Variants in CA10 observed in about 807,000 individuals in gnomAD.
The protein encoded by CA10 is carbonic anhydrase 10 (inactive).
A neutral mutation model predicts 44.2 loss-of-function variants in CA10; 14 were observed. The ratio of observed to expected loss-of-function variants is 0.32; its 90% confidence interval spans 0.21 to 0.50. The LOEUF (loss-of-function observed/expected upper bound fraction) is 0.50, where lower values mean the gene tolerates loss of function less well. CA10 is among the 20% of genes least tolerant of loss of function. CA10 has a pLI of 0.99. For missense variants in CA10, 350 were observed against 409.7 expected (o/e 0.85, Z 1.26); for synonymous variants, 159 against 141.6 (o/e 1.12, Z -0.87).
At chr17:51,694,320 G>A (rs1915327397) in intron 4 of CA10, among the ~76,000 whole-genome samples, 1 of 151,964 alleles carries the variant, frequency 6.6e-6, no homozygotes, top group Admixed American at 6.6e-5. Context: ...AGTATCTGTT[G>A]TTTTTTGACT....
intron 4 of CA10, among the ~76,000 whole-genome samples, chr17:51,744,519 A>C (rs1785498765): frequency 6.6e-6 from 1 of 152,086 alleles, no homozygotes; most frequent in South Asian, 2.1e-4. Context: ...CCAAGACAAA[A>C]GAATTGATTG....
At chr17:52,070,402 A>G (rs1012348542) in intron 2 of CA10, 1 of 152,182 alleles carries the variant, frequency 6.6e-6, no homozygotes, top group Non-Finnish European at 1.5e-5. Context: ...GAACATACAC[A>G]CATTACCTCC....
intron 2 of CA10, among the ~76,000 whole-genome samples, chr17:52,056,070 G>C (rs891136142): frequency 1.3e-5 from 2 of 152,010 alleles, no homozygotes; most frequent in Non-Finnish European, 2.9e-5. Context: ...TGTGAGAAGA[G>C]GAGATGGCAG....
At position 51,855,912 on chromosome 17, in the gene CA10, C is replaced by T. The variant is rs150634101; in HGVS notation, c.279+75078G>A. On this transcript the variant is annotated intron_variant, in intron 3 of 8. Transcript: ENST00000451037. ...CTGAAGACTTTTGTCATGGTCTTTGCTTTCCTCCCTAATTGCCAACAGGAT... is the reference window on the plus strand; with the variant it reads ...CTGAAGACTTTTGTCATGGTCTTTGTTTTCCTCCCTAATTGCCAACAGGAT... Among the ~76,000 whole-genome samples, 523 of 152,092 alleles carry T rather than the reference C, an allele frequency of 3.4e-3. 2 individuals carry two copies. The highest frequency in any genetic ancestry group is 0.015 in the South Asian group (74 of 4,810).
At chr17:52,157,649 A>C in intron 1 of CA10, 77 bp downstream of exon 1, 4 of 1,318,594 alleles carry the variant, frequency 3.0e-6, no homozygotes, top group Non-Finnish European at 3.3e-6. Flanking sequence ...CCCCGCGGCT[A>C]TATACAATAA....
At chr17:51,787,482 AT>A (rs1441677182) in intron 3 of CA10, among the ~76,000 whole-genome samples, 2 of 146,652 alleles carry the variant, frequency 1.4e-5, no homozygotes, top group Non-Finnish European at 3.0e-5. Context: ...GGTTTTTTCT[AT>A]TTTTCTTTTT....
At chr17:52,069,960 A>G (rs1352849238) in intron 2 of CA10, among the ~76,000 whole-genome samples, 2 of 152,228 alleles carry the variant, frequency 1.3e-5, no homozygotes, top group Non-Finnish European at 1.5e-5. Context: ...AACACTCTTA[A>G]CTTTATAGTC....
chr17:51,843,822 T>G (rs1978380381), intron 3 of CA10, among the ~76,000 whole-genome samples: 2 of 152,178 alleles, frequency 1.3e-5, no homozygotes, highest in Admixed American at 6.5e-5. Context: ...CTGGTTTTCA[T>G]GATTAGAGTC....
chr17:51,835,769 G>A (rs770866821), intron 3 of CA10, among the ~76,000 whole-genome samples: 7 of 152,166 alleles, frequency 4.6e-5, no homozygotes, highest in Non-Finnish European at 8.8e-5. Context: ...ACCTGCCTTT[G>A]ATTTAAGTGG....
chr17:51,957,801 A>C (rs1313998546), intron 2 of CA10, among the ~76,000 whole-genome samples: 1 of 152,098 alleles, frequency 6.6e-6, no homozygotes, highest in Non-Finnish European at 1.5e-5. Context: ...CTTTGCAGAT[A>C]CTCCTGCTTT....
intron 4 of CA10, among the ~76,000 whole-genome samples, chr17:51,705,514 G>A (rs938770073): frequency 4.6e-5 from 7 of 152,036 alleles, no homozygotes; most frequent in African/African-American, 1.7e-4. Context: ...GCAAGCATTC[G>A]TCTGAACAAA....
intron 3 of CA10, among the ~76,000 whole-genome samples, chr17:51,750,677 G>A (rs1904862181): frequency 6.6e-6 from 1 of 152,226 alleles, no homozygotes; most frequent in South Asian, 2.1e-4. Flanking sequence ...ACAGAGCAGG[G>A]CTGGATCTCT....
intron 4 of CA10, among the ~76,000 whole-genome samples, chr17:51,657,454 C>T (rs1345820956): frequency 1.3e-5 from 2 of 152,184 alleles, no homozygotes; most frequent in African/African-American, 4.8e-5. Flanking sequence ...ACTAACCACT[C>T]ACAATATGCA....
chr17:51,773,947 A>G (rs1464946259), intron 3 of CA10, among the ~76,000 whole-genome samples: 1 of 152,176 alleles, frequency 6.6e-6, no homozygotes, highest in Non-Finnish European at 1.5e-5. Context: ...CTAGCCAGAA[A>G]CACACACCTG....
intron 4 of CA10, among the ~76,000 whole-genome samples, chr17:51,667,954 G>A (rs1239886261): frequency 1.3e-5 from 2 of 152,136 alleles, no homozygotes; most frequent in Non-Finnish European, 2.9e-5. Context: ...AGAGCACTGT[G>A]GCTTTACTTG....
At chr17:51,934,730 A>G (rs72834231) in intron 2 of CA10, among the ~76,000 whole-genome samples, 16,777 of 152,078 alleles carry the variant, frequency 0.11, 1,266 homozygotes, top group Non-Finnish European at 0.16. Flanking sequence ...TGCTCCAGGG[A>G]TAGTTCCTGG....
chr17:51,820,413 C>CGG (rs1467950458), intron 3 of CA10, among the ~76,000 whole-genome samples: 3 of 96,458 alleles, frequency 3.1e-5, no homozygotes, highest in African/African-American at 1.4e-4. Context: ...CTACCCCCCC[C>CGG]CCCCCGCCCG....
At chr17:52,088,014 G>A (rs1988164181) in intron 1 of CA10, among the ~76,000 whole-genome samples, 1 of 152,110 alleles carries the variant, frequency 6.6e-6, no homozygotes, top group South Asian at 2.1e-4. Context: ...TCACAAGTGG[G>A]AGCTAAATGA....
At chr17:51,684,184 G>A (rs568511631) in intron 4 of CA10, among the ~76,000 whole-genome samples, 3 of 152,328 alleles carry the variant, frequency 2.0e-5, no homozygotes, top group African/African-American at 7.2e-5. Flanking sequence ...AGATTGGAGT[G>A]TGATGAGTGT....
Sources: allele counts gnomAD v4.1 joint callset (sites outside exome capture counted in the v4.1 genomes callset), GRCh38; gene constraint gnomAD v4.1.1; transcripts MANE v1.5; gene names NCBI Gene and HGNC (gene_info 2026-07-23, HGNC 2026-07-21).